Variants in TCF12 observed in about 807,000 individuals in gnomAD.
TCF12 encodes DNA-binding protein HTF4.
In TCF12, 45 loss-of-function variants were observed where a neutral mutation model predicts 86.0. The observed-to-expected ratio is 0.52, with a 90% CI of 0.41 to 0.67. The LOEUF (loss-of-function observed/expected upper bound fraction) is 0.67. Ranked by LOEUF, TCF12 falls within the 30% of genes least tolerant of loss-of-function variation. The probability of loss-of-function intolerance (pLI) is 0.00; values close to 1 mark genes in which losing one functional copy is unlikely to be tolerated. For missense variants in TCF12, 881 were observed against 859.9 expected (o/e 1.02, Z -0.31); for synonymous variants, 330 against 299.6 (o/e 1.10, Z -1.05).
At chr15:57,279,160 A>C (rs114760088) in intron 19 of TCF12, among the ~76,000 whole-genome samples, 1 of 151,786 alleles carries the variant, frequency 6.6e-6, no homozygotes. Flanking sequence ...ACACCTGGCT[A>C]ATTTTTAAAT....
At chr15:57,158,837 G>C (rs1287061628) in intron 5 of TCF12, among the ~76,000 whole-genome samples, 4 of 152,204 alleles carry the variant, frequency 2.6e-5, no homozygotes, top group Non-Finnish European at 5.9e-5. Context: ...GGAGGGCATA[G>C]AGAGTCCAGC....
At chr15:57,137,084 A>G (rs1008004101) in intron 5 of TCF12, among the ~76,000 whole-genome samples, 3 of 141,074 alleles carry the variant, frequency 2.1e-5, no homozygotes, top group Non-Finnish European at 4.5e-5. Context: ...GGTTCACGCC[A>G]TTTTCCTGCC....
At chr15:57,214,147 G>T (rs1009758737) in intron 8 of TCF12, 1 of 152,216 alleles carries the variant, frequency 6.6e-6, no homozygotes, top group Non-Finnish European at 1.5e-5. Context: ...CAGGGGCAGG[G>T]GGACCCCCCC....
chr15:57,257,260 T>C (rs1342066282), intron 16 of TCF12, among the ~76,000 whole-genome samples: 1 of 152,216 alleles, frequency 6.6e-6, no homozygotes, highest in Non-Finnish European at 1.5e-5. Context: ...CTATAACGTT[T>C]GGCTTATGTT....
In TCF12 at chr15:57,166,196, C is replaced by A. The variant is rs369197464; in HGVS notation, c.326-206C>A. Among the ~76,000 whole-genome samples the A allele has an allele frequency of 7.2e-5, 11 of 152,292 alleles. No homozygotes were observed. In the East Asian group the frequency reaches 2.1e-3, roughly 29 times the overall value. ...CCTCCCAAAGTGCTGAGATTACAGA[C>A]GTGAGTCACTACATCCTGCCCAGAA... On this transcript the variant is annotated intron_variant, in intron 5 of 20. Transcript: ENST00000333725.
At chr15:57,057,532 A>T (rs2068122177) in intron 3 of TCF12, among the ~76,000 whole-genome samples, 1 of 152,170 alleles carries the variant, frequency 6.6e-6, no homozygotes, top group African/African-American at 2.4e-5. Context: ...CAGAGCCTTT[A>T]TGTAGTTGAT....
chr15:57,166,595 G>GT, intron 6 of TCF12, 129 bp downstream of exon 6: 1 of 751,036 alleles, frequency 1.3e-6, no homozygotes, highest in Non-Finnish European at 2.0e-6. Flanking sequence ...ACTAAGTGTT[G>GT]TTTTTTGCTC....
chr15:57,057,273 C>G (rs1297839066), intron 3 of TCF12, among the ~76,000 whole-genome samples: 1 of 152,158 alleles, frequency 6.6e-6, no homozygotes, highest in African/African-American at 2.4e-5. Context: ...GGATTCTATC[C>G]TCACTTTCTA....
At chr15:57,248,691 C>T (rs752172788) in intron 13 of TCF12, among the ~76,000 whole-genome samples, 1 of 152,182 alleles carries the variant, frequency 6.6e-6, no homozygotes, top group Non-Finnish European at 1.5e-5. Flanking sequence ...TAACAAAGTG[C>T]GTTACACTGG....
At chr15:56,969,591 G>T (rs2062185766) in intron 3 of TCF12, among the ~76,000 whole-genome samples, 1 of 150,700 alleles carries the variant, frequency 6.6e-6, no homozygotes, top group East Asian at 2.0e-4. Flanking sequence ...GGACTGGAGG[G>T]CAGTGATGTG....
intron 12 of TCF12, among the ~76,000 whole-genome samples, chr15:57,239,816 G>A (rs1027055624): frequency 1.3e-5 from 2 of 152,088 alleles, no homozygotes; most frequent in Admixed American, 1.3e-4. Context: ...GAGATGGGAA[G>A]GATGGGAAGC....
intron 3 of TCF12, among the ~76,000 whole-genome samples, chr15:56,990,285 G>GT (rs1555467467): frequency 6.0e-5 from 9 of 149,790 alleles, no homozygotes; most frequent in Non-Finnish European, 4.4e-5. Flanking sequence ...AAGAAAATGT[G>GT]TTTTAGGCAG....
chr15:57,223,643 G>GTTTTGTTTTTTTTTTTT (rs2058708307), intron 8 of TCF12, among the ~76,000 whole-genome samples: 1 of 69,666 alleles, frequency 1.4e-5, no homozygotes, highest in African/African-American at 4.9e-5. Context: ...TACCAATGAG[G>GTTTTGTTTTTTTTTTTT]TTTTTTTTTT....
intron 13 of TCF12, chr15:57,247,070 A>G: frequency 1.8e-6 from 1 of 564,484 alleles, no homozygotes; most frequent in Non-Finnish European, 3.4e-6. Context: ...GCTGTTGTTC[A>G]CTATAATTTC....
downstream of TCF12, chr15:57,291,010 T>C (rs2062064775): frequency 6.6e-6 from 1 of 152,224 alleles, no homozygotes; most frequent in South Asian, 2.1e-4. Context: ...CACAGTCAAG[T>C]AAACTTACAC....
At chr15:57,195,595 T>TC (rs1166337588) in intron 7 of TCF12, among the ~76,000 whole-genome samples, 7 of 152,174 alleles carry the variant, frequency 4.6e-5, no homozygotes, top group Admixed American at 3.3e-4. Context: ...AATGAATACT[T>TC]CCCCCCTTTG....
At chr15:57,155,535 C>T (rs1250277461) in intron 5 of TCF12, among the ~76,000 whole-genome samples, 1 of 152,278 alleles carries the variant, frequency 6.6e-6, no homozygotes, top group South Asian at 2.1e-4. Context: ...TGGCTCACCC[C>T]TGTAATCCCA....
chr15:57,057,705 A>T (rs1298143809), intron 3 of TCF12, among the ~76,000 whole-genome samples: 5 of 152,172 alleles, frequency 3.3e-5, no homozygotes, highest in African/African-American at 1.2e-4. Flanking sequence ...TTGGGAAGCC[A>T]TTGGTAGGTT....
chr15:57,198,294 T>C lies in TCF12; in HGVS notation c.579+469T>C, dbSNP rs1000304567. Reference sequence around the variant, plus strand: ...CTCAGTAGGACTGAGGTTATTAATATGCATAAATCACCAAGTCAGATGTTC... The same window carrying C: ...CTCAGTAGGACTGAGGTTATTAATACGCATAAATCACCAAGTCAGATGTTC... On this transcript the variant is annotated intron_variant, in intron 8 of 20. Coordinates refer to ENST00000333725, the MANE Select transcript of TCF12 (RefSeq NM_207037.2). 1.4e-4 allele frequency among the ~76,000 whole-genome samples: 22 copies of C among 152,194 alleles called. 1 individual carries two copies. Among genetic ancestry groups the C allele is most frequent in the Middle Eastern group, 6.3e-3 (2 of 316 alleles).
Sources: allele counts gnomAD v4.1 joint callset (sites outside exome capture counted in the v4.1 genomes callset), GRCh38; gene constraint gnomAD v4.1.1; transcripts MANE v1.5; gene names NCBI Gene and HGNC (gene_info 2026-07-23, HGNC 2026-07-21).